Variants in NTM observed in about 807,000 individuals in gnomAD.
NTM encodes the protein neurotrimin.
A neutral mutation model predicts 42.1 loss-of-function variants in NTM; 13 were observed. The observed-to-expected ratio is 0.31, with a 90% confidence interval of 0.20 to 0.49. The LOEUF (loss-of-function observed/expected upper bound fraction) is 0.49, where lower values mean the gene tolerates loss of function less well. Ranked by LOEUF, NTM falls within the 20% of genes least tolerant of loss-of-function variation. The probability of loss-of-function intolerance (pLI) is 0.99; values close to 1 mark genes in which losing one functional copy is unlikely to be tolerated. For synonymous variants in NTM, 187 were observed against 179.2 expected (o/e 1.04, Z -0.35); for missense variants, 373 against 452.8 (o/e 0.82, Z 1.60).
intron 4 of NTM, among the ~76,000 whole-genome samples, chr11:132,269,191 A>G (rs1223489112): frequency 6.6e-6 from 1 of 152,216 alleles, no homozygotes; most frequent in Non-Finnish European, 1.5e-5. Context: ...ACAAGAAAAT[A>G]AAGTATGGAA....
chr11:131,945,110 G>C (rs768225468), intron 2 of NTM, among the ~76,000 whole-genome samples: 10 of 152,170 alleles, frequency 6.6e-5, no homozygotes, highest in Admixed American at 3.3e-4. Flanking sequence ...AGCAGTATGT[G>C]CATTAAAGGT....
At chr11:132,082,339 C>T (rs764580244) in intron 2 of NTM, among the ~76,000 whole-genome samples, 97 of 152,282 alleles carry the variant, frequency 6.4e-4, no homozygotes, top group Non-Finnish European at 1.0e-3. Context: ...TTCCCCCTCA[C>T]AAATTGAATA....
intron 1 of NTM, among the ~76,000 whole-genome samples, chr11:131,908,601 G>A (rs372760269): frequency 1.3e-5 from 2 of 152,218 alleles, no homozygotes; most frequent in East Asian, 3.9e-4. Flanking sequence ...AAGAAGAGGG[G>A]TTGAGAGGGA....
Position 131,803,302 on chromosome 11 carries a change from G to GT in NTM, c.83-108251dup, listed in dbSNP as rs5795742. Among the ~76,000 whole-genome samples, 739 of 147,168 alleles carry GT rather than the reference G, an allele frequency of 5.0e-3. 8 individuals are homozygous for GT. Among genetic ancestry groups the GT allele is most frequent in the African/African-American group, 0.015 (607 of 40,458 alleles). ...TGTCACTAACGTATTTTGGGAGTGG[G>GT]TTTTTTTTTTTCTTTCTTTTTCAGA... On this transcript the variant is annotated intron_variant, in intron 1 of 8. Coordinates refer to ENST00000683400, the MANE Select transcript of NTM (RefSeq NM_001352005.2).
At chr11:131,899,591 C>A (rs1565697626) in intron 1 of NTM, among the ~76,000 whole-genome samples, 1 of 152,218 alleles carries the variant, frequency 6.6e-6, no homozygotes, top group Non-Finnish European at 1.5e-5. Context: ...GGCAATTTTA[C>A]ATGAGTCATA....
intron 1 of NTM, among the ~76,000 whole-genome samples, chr11:131,834,337 C>T (rs944754491): frequency 6.6e-6 from 1 of 151,998 alleles, no homozygotes; most frequent in Non-Finnish European, 1.5e-5. Flanking sequence ...ACCTATCGGC[C>T]ATTTCTTTGA....
chr11:132,280,133 G>A (rs1405396900), intron 4 of NTM, among the ~76,000 whole-genome samples: 1 of 152,218 alleles, frequency 6.6e-6, no homozygotes, highest in Non-Finnish European at 1.5e-5. Context: ...GTTGATGAGA[G>A]AAAATTCCCC....
At chr11:131,511,135 A>C (rs1459567728) in intron 1 of NTM, among the ~76,000 whole-genome samples, 1 of 152,190 alleles carries the variant, frequency 6.6e-6, no homozygotes, top group Non-Finnish European at 1.5e-5. Flanking sequence ...AGGCCACGTG[A>C]TGAGTGGTGC....
intron 3 of NTM, among the ~76,000 whole-genome samples, chr11:132,206,632 A>T (rs915002004): frequency 1.3e-5 from 2 of 152,228 alleles, no homozygotes; most frequent in Non-Finnish European, 2.9e-5. Flanking sequence ...GCCGGATCTC[A>T]GCCCCTGCTC....
chr11:131,788,092 C>A (rs1435434883), intron 1 of NTM, among the ~76,000 whole-genome samples: 1 of 152,084 alleles, frequency 6.6e-6, no homozygotes, highest in Non-Finnish European at 1.5e-5. Flanking sequence ...TGAATTTCCT[C>A]CCCTGCTCTT....
At chr11:131,632,634 G>T (rs376250010) in intron 1 of NTM, among the ~76,000 whole-genome samples, 6 of 146,842 alleles carry the variant, frequency 4.1e-5, no homozygotes, top group Admixed American at 4.1e-4. Flanking sequence ...TTGTAGAGCT[G>T]CCATAGCACT....
At chr11:132,063,282 A>C (rs540641619) in intron 2 of NTM, among the ~76,000 whole-genome samples, 27 of 152,294 alleles carry the variant, frequency 1.8e-4, no homozygotes, top group Admixed American at 3.3e-4. Flanking sequence ...CAATGCATGA[A>C]TTTGGGGACA....
At chr11:132,080,910 T>C (rs1432234613) in intron 2 of NTM, among the ~76,000 whole-genome samples, 1 of 152,220 alleles carries the variant, frequency 6.6e-6, no homozygotes, top group East Asian at 1.9e-4. Flanking sequence ...TCCTGATATG[T>C]ACCCAGTCCA....
At chr11:131,737,187 G>C (rs1325326370) in intron 1 of NTM, among the ~76,000 whole-genome samples, 1 of 152,164 alleles carries the variant, frequency 6.6e-6, no homozygotes, top group Non-Finnish European at 1.5e-5. Flanking sequence ...CTCATTTAAC[G>C]GAAGAGAATT....
At position 132,327,983 on chromosome 11, in the gene NTM, T is replaced by G. The variant is rs189362716; in HGVS notation, c.935-2170T>G. On this transcript the variant is annotated intron_variant, in intron 7 of 8. Coordinates refer to ENST00000683400, the MANE Select transcript of NTM (RefSeq NM_001352005.2). Reference sequence around the variant, plus strand: ...AAACGCATGCTTGACAAGCTTGAATTTTCAGGGATTGTTTATGTTCCTGAT... The same window carrying G: ...AAACGCATGCTTGACAAGCTTGAATGTTCAGGGATTGTTTATGTTCCTGAT... Among the ~76,000 whole-genome samples, 65 of 152,318 alleles carry G rather than the reference T, an allele frequency of 4.3e-4. No homozygotes were observed. The East Asian group carries it at 0.012, about 27-fold the overall frequency.
intron 1 of NTM, among the ~76,000 whole-genome samples, chr11:131,777,762 G>C (rs529777944): frequency 1.2e-4 from 18 of 152,132 alleles, no homozygotes; most frequent in Middle Eastern, 3.4e-3. Context: ...CATTACATTA[G>C]TGTAATGACA....
intron 3 of NTM, among the ~76,000 whole-genome samples, chr11:132,147,509 G>A (rs1432436570): frequency 6.6e-6 from 1 of 152,090 alleles, no homozygotes; most frequent in Non-Finnish European, 1.5e-5. Context: ...CGTAGAAGAG[G>A]GCGTGGCACA....
intron 1 of NTM, among the ~76,000 whole-genome samples, chr11:131,521,918 T>A (rs2049790924): frequency 6.6e-6 from 1 of 152,190 alleles, no homozygotes; most frequent in African/African-American, 2.4e-5. Flanking sequence ...CCTTTATGCC[T>A]GGATTTTTCA....
At chr11:131,689,328 G>A (rs2074360127) in intron 1 of NTM, among the ~76,000 whole-genome samples, 1 of 152,202 alleles carries the variant, frequency 6.6e-6, no homozygotes, top group Non-Finnish European at 1.5e-5. Context: ...CCCCTCAGAA[G>A]CTAGCCATGG....
Sources: allele counts gnomAD v4.1 joint callset (sites outside exome capture counted in the v4.1 genomes callset), GRCh38; gene constraint gnomAD v4.1.1; transcripts MANE v1.5; gene names NCBI Gene and HGNC (gene_info 2026-07-23, HGNC 2026-07-21).